Variants in ZC3H7B observed in about 807,000 individuals in gnomAD.
ZC3H7B encodes zinc finger CCCH-type containing 7B.
A neutral mutation model predicts 116.0 loss-of-function variants in ZC3H7B; 35 were observed. That is an observed-to-expected ratio of 0.30 (90% CI 0.23 to 0.40). ZC3H7B has a LOEUF of 0.40. Ranked by LOEUF, ZC3H7B falls within the 10% of genes least tolerant of loss-of-function variation. The pLI, the probability that ZC3H7B is intolerant of heterozygous loss-of-function variation, is 1.00. For missense variants in ZC3H7B, 1,011 were observed against 1,321.5 expected, an observed-to-expected ratio of 0.77 and a Z score of 3.64; for synonymous variants, 502 against 545.6, an observed-to-expected ratio of 0.92 and a Z score of 1.11.
At position 41,343,458 on chromosome 22, in the gene ZC3H7B, C is replaced by T. The variant is rs755961924; in HGVS notation, c.1341C>T (p.His447=). The part of the protein sequence containing the change: ...GDYTYREGLE[H]KCKRDILLGR... The stretch of plus-strand genomic sequence containing the variant: ...ACACCTACCGTGAGGGCCTTGAGCA[C>T]AAGTGCAAGCGGGACATCCTGCTCG... The change falls in exon 13 of 23, where the codon CAC becomes CAT. Residue 447 remains histidine, a synonymous_variant. Transcript: ENST00000352645. 8.7e-6 allele frequency: 14 copies of T among 1,613,738 alleles called. No homozygotes were observed. Among genetic ancestry groups the T allele is most frequent in the African/African-American group, 5.3e-5 (4 of 74,942 alleles).
At position 41,359,513 on chromosome 22, in the gene ZC3H7B, A is replaced by G. The variant is rs2145948635; in HGVS notation, c.*2084A>G. The G allele has an allele frequency of 6.6e-6, 1 of 152,374 alleles. No individual in the cohort carries two copies. Among genetic ancestry groups the G allele is most frequent in the South Asian group, 2.1e-4 (1 of 4,828 alleles). 9.4% of individuals were successfully genotyped at this position (152,374 alleles called of 1,614,324 possible). On this transcript the variant is annotated 3_prime_UTR_variant, in exon 23 of 23. Transcript: ENST00000352645. Reference sequence around the variant, plus strand: ...GCCAGGGACAGGAGCCACCCTCCCCAGGCCCAACTCTGCTAGCTTCCCAGA... The same window carrying G: ...GCCAGGGACAGGAGCCACCCTCCCCGGGCCCAACTCTGCTAGCTTCCCAGA...
At position 41,350,892 on chromosome 22, in the gene ZC3H7B, C is replaced by T. The variant is rs535504119; in HGVS notation, c.1949-669C>T. Among the ~76,000 whole-genome samples, 13 of 152,248 alleles carry T rather than the reference C, an allele frequency of 8.5e-5. No individual in the cohort carries two copies. In the South Asian group the frequency reaches 2.7e-3, roughly 32 times the overall value. The stretch of plus-strand genomic sequence containing the variant: ...TGATTAGCTGTCGTGGAGCAGGGGC[C>T]ATAGGTCAAGGTGGAAGGCCACATC... On this transcript the variant is annotated intron_variant, in intron 16 of 22. Transcript: ENST00000352645.
In ZC3H7B at chr22:41,339,125, C is replaced by G; in HGVS notation, c.750C>G (p.Asp250Glu). The change falls in exon 9 of 23, where the codon GAC becomes GAG. Residue 250 changes from aspartate to glutamate, a missense_variant. Coordinates refer to ENST00000352645, the MANE Select transcript of ZC3H7B (RefSeq NM_017590.6). ...LDSSRTLPST[D>E]SLDDFSDGDV... is the part of the protein sequence containing the mutation. ...GCAGCAGGACCCTCCCCAGCACCGACAGCCTGGATGACTTCTCAGACGGGG... is the reference window on the plus strand; with the variant it reads ...GCAGCAGGACCCTCCCCAGCACCGAGAGCCTGGATGACTTCTCAGACGGGG... 1 of 1,613,096 alleles carries G rather than the reference C, an allele frequency of 6.2e-7. No homozygotes were observed. Among genetic ancestry groups the G allele is most frequent in the Non-Finnish European group, 8.5e-7 (1 of 1,179,566 alleles).
chr22:41,341,204 T>C, intron 11 of ZC3H7B, 58 bp downstream of exon 11: 1 of 1,603,516 alleles, frequency 6.2e-7, no homozygotes, highest in Non-Finnish European at 8.5e-7. Flanking sequence ...TTGTGGGTTC[T>C]AGAGTTGGGG....
At chr22:41,319,237 T>TA (rs1269518968) in intron 1 of ZC3H7B, among the ~76,000 whole-genome samples, 3 of 151,742 alleles carry the variant, frequency 2.0e-5, no homozygotes, top group Non-Finnish European at 4.4e-5. Flanking sequence ...CCCTCTCTAC[T>TA]AAAAATACAA....
In ZC3H7B at chr22:41,339,019, G is replaced by T; in HGVS notation, c.644G>T (p.Arg215Leu). ...TCCGCAGACTGCTACGTGGACCCTC[G>T]AGGCTCCCCAGCCCTTCTCCCCTCC... The part of the protein sequence containing the change: ...DIETDCYVDP[R>L]GSPALLPSTP... Residue 215 changes from arginine (R) to leucine (L), a missense_variant, in exon 9 of 23, where the codon CGA becomes CTA. By Grantham distance (102) the Arg-to-Leu change is moderately radical (BLOSUM62 -2). Around this residue, in one of 5 missense-constraint regions of ZC3H7B, gnomAD observed 322 missense variants for 443.9 expected, o/e 0.73. Coordinates refer to ENST00000352645, the MANE Select transcript of ZC3H7B (RefSeq NM_017590.6). 1 of 1,591,734 alleles carries T rather than the reference G, an allele frequency of 6.3e-7. No homozygotes were observed.
chr22:41,322,563 T>A (rs2036271480), intron 2 of ZC3H7B, among the ~76,000 whole-genome samples: 1 of 152,134 alleles, frequency 6.6e-6, no homozygotes, highest in Non-Finnish European at 1.5e-5. Flanking sequence ...TTATTGCTCT[T>A]AAATAGATCC....
rs1569244863 is a variant in ZC3H7B, at chr22:41,355,778, CCTT to C, written c.2193_2195del (p.Leu732del). ...GCAGCTGGACCAAGGAGCGGCGGGT[CCTT>C]CTGGTGATGTCCAAGGCCAAGAGGA... On this transcript the variant is annotated inframe_deletion, in exon 19 of 23. Transcript: ENST00000352645. 4 of 1,612,034 alleles carry C rather than the reference CCTT, an allele frequency of 2.5e-6. No homozygotes were observed. The highest frequency in any genetic ancestry group is 3.4e-6 in the Non-Finnish European group (4 of 1,179,394).
At chr22:41,348,880 A>G (rs1476593111) in intron 15 of ZC3H7B, among the ~76,000 whole-genome samples, 2 of 152,138 alleles carry the variant, frequency 1.3e-5, no homozygotes, top group African/African-American at 2.4e-5. Flanking sequence ...GCTTGTTGGC[A>G]GCTCCATCTT....
At chr22:41,319,270 A>G (rs747276238) in intron 1 of ZC3H7B, among the ~76,000 whole-genome samples, 11 of 152,156 alleles carry the variant, frequency 7.2e-5, no homozygotes, top group Non-Finnish European at 1.3e-4. Flanking sequence ...GCATGGTGGC[A>G]CGTGCCTGTA....
intron 1 of ZC3H7B, among the ~76,000 whole-genome samples, chr22:41,314,473 G>C (rs952651958): frequency 2.0e-5 from 3 of 151,772 alleles, no homozygotes; most frequent in Non-Finnish European, 4.4e-5. Flanking sequence ...TTATTTTTGG[G>C]ATAAGGGTCT....
intron 13 of ZC3H7B, 94 bp downstream of exon 13, chr22:41,343,670 A>G (rs1369175741): frequency 4.2e-6 from 6 of 1,423,426 alleles, no homozygotes; most frequent in Admixed American, 5.6e-5. Flanking sequence ...TAGACAGAAC[A>G]GGGGTGGGCC....
chr22:41,354,951 C>G (rs965232816), intron 17 of ZC3H7B, among the ~76,000 whole-genome samples: 2 of 152,178 alleles, frequency 1.3e-5, no homozygotes, highest in Admixed American at 1.3e-4. Flanking sequence ...TCTCCTGGAC[C>G]CCCCGCTCTA....
In ZC3H7B at chr22:41,343,468, C is replaced by G. The variant is rs778985812; in HGVS notation, c.1351C>G (p.Arg451Gly). Residue 451 changes from arginine (R) to glycine (G), a missense_variant, in exon 13 of 23, where the codon CGG (arginine) becomes GGG (glycine). This residue lies in a region of ZC3H7B where 179 missense variants were observed against 178.5 expected (regional missense o/e 1.00). Transcript: ENST00000352645. ...TGAGGGCCTTGAGCACAAGTGCAAG[C>G]GGGACATCCTGCTCGGCCGGCTCCG... The part of the protein sequence containing the change: ...YREGLEHKCK[R>G]DILLGRLRSS... 5 of 1,613,904 alleles carry G rather than the reference C, an allele frequency of 3.1e-6. No individual in the cohort carries two copies. The East Asian group carries it at 1.1e-4, about 36-fold the overall frequency.
chr22:41,320,348 AG>A (rs146576695), intron 1 of ZC3H7B, among the ~76,000 whole-genome samples: 2 of 151,082 alleles, frequency 1.3e-5, no homozygotes, highest in African/African-American at 2.4e-5. Context: ...AAAAAAAAAA[AG>A]AGTTTTCCCT....
chr22:41,324,928 C>T (rs2036298709), intron 2 of ZC3H7B, among the ~76,000 whole-genome samples: 2 of 152,188 alleles, frequency 1.3e-5, no homozygotes, highest in African/African-American at 4.8e-5. Flanking sequence ...CCTGCTGCAG[C>T]AGCCCCTGCA....
intron 13 of ZC3H7B, among the ~76,000 whole-genome samples, chr22:41,345,169 A>G (rs2036568903): frequency 6.6e-6 from 1 of 152,188 alleles, no homozygotes; most frequent in Non-Finnish European, 1.5e-5. Flanking sequence ...AGTCTCCTCC[A>G]TTCATAGCAA....
In ZC3H7B at chr22:41,325,713, C is replaced by T. The variant is rs921347158; in HGVS notation, c.88-8C>T. ...TCATGAGCCCCCTACACACCTTGCC[C>T]CCAACAGGCCTTTCTGCTCAAGCTG... On this transcript the variant is annotated splice_polypyrimidine_tract_variant and splice_region_variant and intron_variant, in intron 3 of 22. Coordinates refer to ENST00000352645, the MANE Select transcript of ZC3H7B (RefSeq NM_017590.6). 1 of 1,611,890 alleles carries T rather than the reference C, an allele frequency of 6.2e-7. No homozygotes were observed. Among genetic ancestry groups the T allele is most frequent in the African/African-American group, 1.3e-5 (1 of 74,906 alleles).
intron 11 of ZC3H7B, among the ~76,000 whole-genome samples, chr22:41,341,884 A>G (rs1601787780): frequency 6.6e-6 from 1 of 152,128 alleles, no homozygotes; most frequent in South Asian, 2.1e-4. Flanking sequence ...CAACATGGTG[A>G]TACCCCGTCT....
Sources: allele counts gnomAD v4.1 joint callset (sites outside exome capture counted in the v4.1 genomes callset), GRCh38; gene constraint gnomAD v4.1.1; regional missense constraint gnomAD v4.1.1; transcripts MANE v1.5; gene names NCBI Gene and HGNC (gene_info 2026-07-23, HGNC 2026-07-21).